Variants in PPM1H observed in about 807,000 individuals in gnomAD.
PPM1H encodes the protein protein phosphatase, Mg2+/Mn2+ dependent 1H.
Under a neutral mutation model 54.9 loss-of-function variants are expected in PPM1H, and 27 were observed. That is an observed-to-expected ratio of 0.49 (90% CI 0.36 to 0.68). PPM1H has a LOEUF of 0.68. Ranked by LOEUF, PPM1H falls within the 30% of genes least tolerant of loss-of-function variation. The probability of loss-of-function intolerance (pLI) is 0.00; values close to 1 mark genes in which losing one functional copy is unlikely to be tolerated. For synonymous variants in PPM1H, 305 were observed against 270.8 expected (o/e 1.13, Z -1.24); for missense variants, 596 against 667.8 (o/e 0.89, Z 1.19).
chr12:62,822,726 T>C, intron 2 of PPM1H, among the ~76,000 whole-genome samples: 1 of 152,014 alleles, frequency 6.6e-6, no homozygotes. Context: ...CCAGAATCTC[T>C]GGGACACACT....
intron 1 of PPM1H, among the ~76,000 whole-genome samples, chr12:62,877,521 A>T (rs1870218489): frequency 6.6e-6 from 1 of 152,190 alleles, no homozygotes; most frequent in Admixed American, 6.5e-5. Flanking sequence ...TGAGCTTACC[A>T]ACTCTGCTGA....
intron 5 of PPM1H, among the ~76,000 whole-genome samples, chr12:62,733,765 G>T (rs1472570107): frequency 6.6e-6 from 1 of 152,136 alleles, no homozygotes; most frequent in Non-Finnish European, 1.5e-5. Flanking sequence ...GATTAAAAAG[G>T]ATATGGGCAG....
intron 1 of PPM1H, chr12:62,840,069 G>A (rs1029232918): frequency 7.8e-6 from 1 of 127,706 alleles, no homozygotes; most frequent in Non-Finnish European, 1.6e-5. Flanking sequence ...GAGAGAGAGA[G>A]AGAGAGAGAG....
At chr12:62,854,007 A>G (rs1038922829) in intron 1 of PPM1H, among the ~76,000 whole-genome samples, 1 of 152,168 alleles carries the variant, frequency 6.6e-6, no homozygotes, top group South Asian at 2.1e-4. Flanking sequence ...TGCTCCAAAA[A>G]AGTCTTCTGA....
intron 1 of PPM1H, among the ~76,000 whole-genome samples, chr12:62,861,774 C>T (rs1267058792): frequency 6.6e-6 from 1 of 152,150 alleles, no homozygotes; most frequent in Non-Finnish European, 1.5e-5. Flanking sequence ...TCTAGGGCAC[C>T]GTGGTGCTTG....
At chr12:62,713,037 G>A (rs1294871282) in intron 6 of PPM1H, among the ~76,000 whole-genome samples, 2 of 152,184 alleles carry the variant, frequency 1.3e-5, no homozygotes, top group African/African-American at 4.8e-5. Context: ...ATTGAAGAGA[G>A]CAATAAAGAA....
At chr12:62,664,707 T>A (rs2075906759) in intron 9 of PPM1H, among the ~76,000 whole-genome samples, 1 of 152,232 alleles carries the variant, frequency 6.6e-6, no homozygotes, top group Non-Finnish European at 1.5e-5. Context: ...AGCTTAATAA[T>A]CCATTTTACT....
At chr12:62,853,914 T>C (rs1220738037) in intron 1 of PPM1H, among the ~76,000 whole-genome samples, 1 of 152,082 alleles carries the variant, frequency 6.6e-6, no homozygotes, top group Admixed American at 6.6e-5. Flanking sequence ...TAGGTAGGGA[T>C]GAAGAATAAA....
At chr12:62,686,795 T>C (rs370004924) in intron 8 of PPM1H, among the ~76,000 whole-genome samples, 4 of 152,328 alleles carry the variant, frequency 2.6e-5, no homozygotes, top group African/African-American at 9.6e-5. Flanking sequence ...ATGCCCAACA[T>C]TTACTAGAGT....
At chr12:62,697,547 C>A (rs183968345) in intron 6 of PPM1H, among the ~76,000 whole-genome samples, 13 of 152,134 alleles carry the variant, frequency 8.5e-5, no homozygotes, top group African/African-American at 3.1e-4. Flanking sequence ...CTTGGAAGGC[C>A]TGTCTGTTTT....
intron 1 of PPM1H, among the ~76,000 whole-genome samples, chr12:62,909,711 G>A (rs149783484): frequency 1.7e-3 from 265 of 152,246 alleles, no homozygotes; most frequent in African/African-American, 6.2e-3. Flanking sequence ...ACAGGTAGCT[G>A]TCATCACACT....
At chr12:62,820,192 G>A (rs1483930087) in intron 2 of PPM1H, among the ~76,000 whole-genome samples, 1 of 152,268 alleles carries the variant, frequency 6.6e-6, no homozygotes, top group Non-Finnish European at 1.5e-5. Flanking sequence ...CAGCAGCCTA[G>A]TAGGGGGAGA....
intron 6 of PPM1H, among the ~76,000 whole-genome samples, chr12:62,712,213 C>T (rs970229401): frequency 6.6e-6 from 1 of 152,228 alleles, no homozygotes; most frequent in African/African-American, 2.4e-5. Context: ...CAGCCATTCT[C>T]CATCCTGGAT....
chr12:62,771,420 C>G (rs1315727492), intron 4 of PPM1H, among the ~76,000 whole-genome samples: 1 of 151,782 alleles, frequency 6.6e-6, no homozygotes, highest in African/African-American at 2.4e-5. Context: ...GGGTCCAGAG[C>G]TAATATCTGG....
Position 62,934,947 on chromosome 12 carries a change from C to G in PPM1H, c.-211G>C, listed in dbSNP as rs1375241130. 6 of 314,822 alleles carry G rather than the reference C, an allele frequency of 1.9e-5. No individual in the cohort carries two copies. The highest frequency in any genetic ancestry group is 2.7e-5 in the Non-Finnish European group (5 of 183,010). The allele number at this position is 314,822 out of a possible 1,614,324, so 19.5% of individuals were successfully genotyped here. A position where few individuals can be genotyped will look rare whatever the true frequency, so the allele number is the denominator to read the frequency against. The stretch of plus-strand genomic sequence containing the variant: ...TGCCGCGGTGGCCGCCGCCTCCCCC[C>G]GCTACACTTCCGCAACGGAGCTGCA... On this transcript the variant is annotated 5_prime_UTR_variant, in exon 1 of 10. Transcript: ENST00000228705. The surrounding 1 kb of genome is among the most constrained non-coding windows in gnomAD (Gnocchi z 4.2).
chr12:62,724,628 A>G (rs2076280273), intron 5 of PPM1H, among the ~76,000 whole-genome samples: 1 of 152,174 alleles, frequency 6.6e-6, no homozygotes, highest in Admixed American at 6.5e-5. Flanking sequence ...GATTTCCACA[A>G]ACTGCTTGCT....
chr12:62,838,333 GTGT>G (rs386763636), intron 1 of PPM1H, among the ~76,000 whole-genome samples: 2 of 119,366 alleles, frequency 1.7e-5, no homozygotes, highest in African/African-American at 4.4e-5. Flanking sequence ...CAGTGTGTGT[GTGT>G]GTGGGGGGGG....
rs79691406 is a variant in PPM1H at position 62,736,094 on chromosome 12, A to G, written c.954+1408T>C. Among the ~76,000 whole-genome samples the G allele has an allele frequency of 2.5e-3, 384 of 152,282 alleles. 3 individuals carry two copies. Among genetic ancestry groups the G allele is most frequent in the African/African-American group, 8.8e-3 (366 of 41,550 alleles). On this transcript the variant is annotated intron_variant, in intron 5 of 9. Coordinates refer to ENST00000228705, the MANE Select transcript of PPM1H (RefSeq NM_020700.2). Reference sequence around the variant, plus strand: ...TAGGGGAGTGACAAGGTGGGTAATGAGGTCACTTGGATAGCCTTGTGGAAT... The same window carrying G: ...TAGGGGAGTGACAAGGTGGGTAATGGGGTCACTTGGATAGCCTTGTGGAAT...
intron 1 of PPM1H, among the ~76,000 whole-genome samples, chr12:62,898,836 A>G (rs1407486832): frequency 6.6e-6 from 1 of 152,204 alleles, no homozygotes; most frequent in Non-Finnish European, 1.5e-5. Context: ...CTTAATTTAC[A>G]TACATTAAAG....
Sources: allele counts gnomAD v4.1 joint callset (sites outside exome capture counted in the v4.1 genomes callset), GRCh38; gene constraint gnomAD v4.1.1; non-coding constraint Gnocchi (gnomAD v3.1); transcripts MANE v1.5; gene names NCBI Gene and HGNC (gene_info 2026-07-23, HGNC 2026-07-21).